Variants in KLHL32 observed in about 807,000 individuals in gnomAD.
KLHL32 encodes kelch like family member 32.
In KLHL32, 35 loss-of-function variants were observed where a neutral mutation model predicts 64.8. The ratio of observed to expected loss-of-function variants is 0.54; its 90% confidence interval spans 0.41 to 0.72. The LOEUF is 0.72. Ranked by LOEUF, KLHL32 falls within the 30% of genes least tolerant of loss-of-function variation. The pLI, the probability that KLHL32 is intolerant of heterozygous loss-of-function variation, is 0.00. For synonymous variants in KLHL32, 259 were observed against 281.0 expected (o/e 0.92, Z 0.78); for missense variants, 589 against 768.5 (o/e 0.77, Z 2.76).
At chr6:97,105,578 C>T (rs778583032) in intron 6 of KLHL32, 15 of 464,188 alleles carry the variant, frequency 3.2e-5, no homozygotes, top group East Asian at 1.4e-4. Flanking sequence ...AGAAGGGCTC[C>T]GTGTGCACCT....
intron 1 of KLHL32, among the ~76,000 whole-genome samples, chr6:96,928,956 A>G (rs899320884): frequency 1.3e-5 from 2 of 152,240 alleles, no homozygotes; most frequent in Non-Finnish European, 2.9e-5. Flanking sequence ...GCTGTACTCA[A>G]ATCTAGACAG....
intron 2 of KLHL32, 42 bp downstream of exon 2, chr6:96,967,125 C>A: frequency 6.3e-7 from 1 of 1,589,642 alleles, no homozygotes; most frequent in Non-Finnish European, 8.6e-7. Context: ...GTAGTGAGCC[C>A]TGAAATAAGT....
At chr6:97,019,724 T>G (rs1562249509) in intron 3 of KLHL32, among the ~76,000 whole-genome samples, 1 of 152,108 alleles carries the variant, frequency 6.6e-6, no homozygotes, top group African/African-American at 2.4e-5. Context: ...CGTAATAAAA[T>G]AATTGGAAGT....
chr6:97,110,632 A>G (rs1562347832), intron 6 of KLHL32, among the ~76,000 whole-genome samples: 2 of 152,172 alleles, frequency 1.3e-5, no homozygotes. Flanking sequence ...CTCCCTCAGT[A>G]CATTTCCCCT....
chr6:97,038,641 C>T (rs763813019), intron 3 of KLHL32, among the ~76,000 whole-genome samples: 6 of 151,906 alleles, frequency 3.9e-5, no homozygotes, highest in Non-Finnish European at 8.8e-5. Flanking sequence ...GCATATGACT[C>T]AGCAATTTTA....
At chr6:97,115,013 AGTT>A (rs890288997) in intron 7 of KLHL32, among the ~76,000 whole-genome samples, 4 of 152,196 alleles carry the variant, frequency 2.6e-5, no homozygotes, top group Non-Finnish European at 4.4e-5. Context: ...ACCAAAACAA[AGTT>A]GTTGTTGTTG....
At chr6:97,122,904 C>T (rs527873747) in intron 7 of KLHL32, among the ~76,000 whole-genome samples, 9 of 152,336 alleles carry the variant, frequency 5.9e-5, no homozygotes, top group Non-Finnish European at 1.0e-4. Context: ...CTGGCCACTG[C>T]AGGTCTCCAA....
intron 6 of KLHL32, among the ~76,000 whole-genome samples, chr6:97,087,238 C>T (rs1793555351): frequency 6.6e-6 from 1 of 152,142 alleles, no homozygotes; most frequent in African/African-American, 2.4e-5. Context: ...ATAAGTATTT[C>T]CCTCATATTC....
rs113927631 is a variant in KLHL32 at position 97,091,981 on chromosome 6, C to T, written c.627+6640C>T. 7.0e-4 allele frequency among the ~76,000 whole-genome samples: 92 copies of T among 132,370 alleles called. 1 individual carries two copies. Among genetic ancestry groups the T allele is most frequent in the Middle Eastern group, 8.6e-3 (2 of 232 alleles). 86.8% of individuals were successfully genotyped at this position (132,370 alleles called of 152,430 possible). ...TGCCCTTCTTCAATTCTCTTTCTTT[C>T]TTTTTTTTTTTTTTTTGTTGTTGTT... On this transcript the variant is annotated intron_variant, in intron 6 of 10. Coordinates refer to ENST00000369261, the MANE Select transcript of KLHL32 (RefSeq NM_052904.4).
intron 3 of KLHL32, among the ~76,000 whole-genome samples, chr6:96,977,643 T>G (rs56018015): frequency 0.021 from 3,136 of 152,262 alleles, 113 homozygotes; most frequent in African/African-American, 0.072. Context: ...AGCAATTTGT[T>G]GATTGGTTTG....
At chr6:96,963,364 T>C (rs1330156990) in intron 1 of KLHL32, among the ~76,000 whole-genome samples, 2 of 152,208 alleles carry the variant, frequency 1.3e-5, no homozygotes, top group Admixed American at 1.3e-4. Flanking sequence ...ACCTTCTCCA[T>C]TGATAAGAGT....
chr6:97,098,341 T>G (rs1275936899), intron 6 of KLHL32, among the ~76,000 whole-genome samples: 2 of 152,190 alleles, frequency 1.3e-5, no homozygotes, highest in Non-Finnish European at 2.9e-5. Flanking sequence ...TAGAATCGTT[T>G]TGCCTTTTTT....
chr6:97,085,044 G>A lies in KLHL32; in HGVS notation c.412-82G>A, dbSNP rs545069673. On this transcript the variant is annotated intron_variant, in intron 5 of 10. Coordinates refer to ENST00000369261, the MANE Select transcript of KLHL32 (RefSeq NM_052904.4). ...CCACCACTGTGATGAAAACCTTAGT[G>A]AGTCAATCTGAATTTCTTGCCTGCT... 19 of 1,171,454 alleles carry A rather than the reference G, an allele frequency of 1.6e-5. No homozygotes were observed. In the South Asian group the frequency reaches 2.1e-4, roughly 13 times the overall value. The allele number at this position is 1,171,454 out of a possible 1,614,324, so 72.6% of individuals were successfully genotyped here. A position where few individuals can be genotyped will look rare whatever the true frequency, so the allele number is the denominator to read the frequency against.
chr6:96,956,992 C>T lies in KLHL32; in HGVS notation c.-65-10004C>T, dbSNP rs147505160. On this transcript the variant is annotated intron_variant, in intron 1 of 10. Transcript: ENST00000369261. ...GTACCTCTCTCAATAGAAGAAAATG[C>T]AGAATGTCTTATACTGTTAGGGTAA... is the stretch of plus-strand genomic sequence containing the variant. 4.3e-3 allele frequency among the ~76,000 whole-genome samples: 655 copies of T among 152,238 alleles called. 13 individuals carry two copies. The highest frequency in any genetic ancestry group is 0.015 in the African/African-American group (634 of 41,536).
chr6:96,899,880 TGGA>T, the KLHL32 span, among the ~76,000 whole-genome samples: 7 of 152,234 alleles, frequency 4.6e-5, no homozygotes, highest in East Asian at 1.2e-3. Context: ...TCCATCTGAG[TGGA>T]GTATTATGAT....
intron 3 of KLHL32, among the ~76,000 whole-genome samples, chr6:97,029,439 C>T (rs1255255335): frequency 6.6e-6 from 1 of 152,082 alleles, no homozygotes; most frequent in East Asian, 1.9e-4. Context: ...TGGTATTTTA[C>T]AGATATTAAT....
At chr6:97,033,721 C>T (rs967904315) in intron 3 of KLHL32, among the ~76,000 whole-genome samples, 5 of 152,006 alleles carry the variant, frequency 3.3e-5, no homozygotes, top group Admixed American at 1.3e-4. Context: ...ATTATTCTAA[C>T]GGGTGTGAGG....
intron 3 of KLHL32, among the ~76,000 whole-genome samples, chr6:96,988,982 A>G (rs1016565205): frequency 1.3e-5 from 2 of 152,210 alleles, no homozygotes; most frequent in Non-Finnish European, 2.9e-5. Flanking sequence ...GAGGGATAGC[A>G]TTAGGAGATA....
intron 3 of KLHL32, among the ~76,000 whole-genome samples, chr6:96,996,775 T>A (rs557248111): frequency 6.6e-6 from 1 of 152,208 alleles, no homozygotes; most frequent in Non-Finnish European, 1.5e-5. Context: ...CTATTCTAAA[T>A]GTTTTATGTG....
Sources: gnomAD v4.1 joint callset for allele counts (sites outside exome capture counted in the v4.1 genomes callset) on GRCh38, gnomAD v4.1.1 for gene constraint, MANE v1.5 for transcripts, NCBI Gene and HGNC (gene_info 2026-07-23, HGNC 2026-07-21) for gene names.